UCK2: variants seen among roughly 807,000 people sequenced by gnomAD.
The protein encoded by UCK2 is uridine-cytidine kinase 2, also known as cytidine monophosphokinase 2.
In UCK2, 6 loss-of-function variants were observed where a neutral mutation model predicts 30.8. The ratio of observed to expected loss-of-function variants is 0.19; its 90% CI spans 0.11 to 0.38. The LOEUF is 0.38. Ranked by LOEUF, UCK2 falls within the 10% of genes least tolerant of loss-of-function variation. The pLI is 1.00. For synonymous variants in UCK2, 125 were observed against 133.6 expected, an observed-to-expected ratio of 0.94 and a Z score of 0.45; for missense variants, 210 against 339.8, an observed-to-expected ratio of 0.62 and a Z score of 3.00.
At chr1:165,830,041 T>A (rs1420624584) in intron 1 of UCK2, among the ~76,000 whole-genome samples, 1 of 152,028 alleles carries the variant, frequency 6.6e-6, no homozygotes, top group Non-Finnish European at 1.5e-5. Context: ...GGTCTCACTC[T>A]TTTGCCCAGG....
intron 1 of UCK2, among the ~76,000 whole-genome samples, chr1:165,837,841 C>T (rs1654233744): frequency 1.3e-5 from 2 of 152,180 alleles, no homozygotes; most frequent in South Asian, 4.1e-4. Flanking sequence ...AACTCCTCAT[C>T]TCACCCCTTG....
intron 1 of UCK2, among the ~76,000 whole-genome samples, chr1:165,866,079 A>G (rs933234991): frequency 1.3e-4 from 20 of 151,984 alleles, no homozygotes; most frequent in African/African-American, 4.3e-4. Flanking sequence ...AGGTACTTTC[A>G]GGGAGCAGTA....
intron 1 of UCK2, among the ~76,000 whole-genome samples, chr1:165,837,190 A>G (rs1242595664): frequency 6.6e-6 from 1 of 152,206 alleles, no homozygotes; most frequent in African/African-American, 2.4e-5. Context: ...TTTGGAGGAC[A>G]CTTTCAAACC....
At position 165,890,263 on chromosome 1, in the gene UCK2, G is replaced by C; in HGVS notation, c.159G>C (p.Gln53His). Residue 53 changes from glutamine (Q) to histidine (H), a missense_variant, in exon 2 of 7, where the codon CAG (glutamine) becomes CAC (histidine). This residue lies in a region of UCK2 where 75 missense variants were observed against 124.7 expected (regional missense o/e 0.60). Coordinates refer to ENST00000367879, the MANE Select transcript of UCK2 (RefSeq NM_012474.5). ...LLGQNEVDYR[Q>H]KQVVILSQDS... ...GGCAGAATGAGGTGGACTATCGCCA[G>C]AAGCAGGTGGTCATCCTGAGCCAGG... 6.2e-7 allele frequency: 1 copy of C among 1,614,198 alleles called. No homozygotes were observed. Among genetic ancestry groups the C allele is most frequent in the Non-Finnish European group, 8.5e-7 (1 of 1,180,038 alleles).
chr1:165,903,144 A>G (rs367693447), intron 4 of UCK2, 38 bp from the exon 5 acceptor site: 4 of 1,577,152 alleles, frequency 2.5e-6, no homozygotes, highest in Non-Finnish European at 3.5e-6. Flanking sequence ...GCTGGCTCCT[A>G]CACCGTTTTT....
At chr1:165,880,560 TTTGGGG>T (rs112014406) in intron 1 of UCK2, among the ~76,000 whole-genome samples, 904 of 80,040 alleles carry the variant, frequency 0.011, 18 homozygotes, top group Admixed American at 0.066. Context: ...TTCAGTTTTT[TTTGGGG>T]GTGTGTGTGT....
chr1:165,832,567 C>G (rs1279959059), intron 1 of UCK2, among the ~76,000 whole-genome samples: 1 of 152,076 alleles, frequency 6.6e-6, no homozygotes, highest in East Asian at 1.9e-4. Flanking sequence ...GTTAGGGGAA[C>G]TTTTGACTTA....
intron 1 of UCK2, among the ~76,000 whole-genome samples, chr1:165,831,861 G>A (rs1329983904): frequency 6.6e-6 from 1 of 152,186 alleles, no homozygotes; most frequent in Non-Finnish European, 1.5e-5. Flanking sequence ...CACCTCCTGG[G>A]TTCAAGCAAT....
At chr1:165,833,641 A>T (rs1239919204) in intron 1 of UCK2, among the ~76,000 whole-genome samples, 1 of 152,064 alleles carries the variant, frequency 6.6e-6, no homozygotes, top group African/African-American at 2.4e-5. Flanking sequence ...TCTTGCTTTT[A>T]TGAGGTTCTG....
At chr1:165,862,055 T>C (rs1174375103) in intron 1 of UCK2, among the ~76,000 whole-genome samples, 1 of 152,198 alleles carries the variant, frequency 6.6e-6, no homozygotes, top group African/African-American at 2.4e-5. Flanking sequence ...ATGGAAGCCA[T>C]AAGTCCTCTC....
intron 1 of UCK2, among the ~76,000 whole-genome samples, chr1:165,848,652 A>ACG (rs1339552872): frequency 2.0e-5 from 3 of 151,182 alleles, no homozygotes; most frequent in Admixed American, 1.3e-4. Flanking sequence ...ACACACACAC[A>ACG]CACACACCCA....
intron 1 of UCK2, among the ~76,000 whole-genome samples, chr1:165,840,085 CTTG>C (rs1654290195): frequency 6.6e-6 from 1 of 152,076 alleles, no homozygotes; most frequent in African/African-American, 2.4e-5. Flanking sequence ...TGCCCGGCTA[CTTG>C]TTGTATTTTT....
chr1:165,907,054 T>A (rs1647688514), intron 6 of UCK2, among the ~76,000 whole-genome samples: 1 of 152,216 alleles, frequency 6.6e-6, no homozygotes, highest in Non-Finnish European at 1.5e-5. Context: ...TCTTTTATTT[T>A]CTTATGATTG....
Position 165,891,105 on chromosome 1 carries a change from A to G in UCK2, c.260-121A>G, listed in dbSNP as rs1655754190. On this transcript the variant is annotated intron_variant, in intron 2 of 6. Coordinates refer to ENST00000367879, the MANE Select transcript of UCK2 (RefSeq NM_012474.5). ...GTAAAAATCCAGCTTTTTAGGGAGC[A>G]GTATGATTACCTTTAAAGTGTGATG... is the stretch of plus-strand genomic sequence containing the variant. 1.3e-5 allele frequency: 11 copies of G among 838,876 alleles called. No homozygotes were observed. In the South Asian group the frequency reaches 1.7e-4, roughly 13 times the overall value. 52.0% of individuals were successfully genotyped at this position (838,876 alleles called of 1,614,324 possible).
intron 1 of UCK2, among the ~76,000 whole-genome samples, chr1:165,835,128 G>T (rs2101848580): frequency 6.6e-6 from 1 of 152,162 alleles, no homozygotes; most frequent in South Asian, 2.1e-4. Context: ...GCTTTTCCCT[G>T]GGAGTGGAGA....
At position 165,909,212 on chromosome 1, in the gene UCK2, G is replaced by A. The variant is rs912118845; in HGVS notation, c.*1389G>A. The A allele has an allele frequency of 6.6e-6, 1 of 152,084 alleles. No individual in the cohort carries two copies. The highest frequency in any genetic ancestry group is 1.5e-5 in the Non-Finnish European group (1 of 68,040). 9.4% of individuals were successfully genotyped at this position (152,084 alleles called of 1,614,324 possible). On this transcript the variant is annotated 3_prime_UTR_variant, in exon 7 of 7. Transcript: ENST00000367879. ...GGAAGTACAGATTCCTGACATTCTG[G>A]GTGGAGGGGAGCCCAAGTGAGCCTG...
At chr1:165,841,095 G>A (rs78354306) in intron 1 of UCK2, among the ~76,000 whole-genome samples, 5 of 78,860 alleles carry the variant, frequency 6.3e-5, no homozygotes, top group Admixed American at 1.9e-4. Flanking sequence ...GTGTGCACAC[G>A]TATGTGTGTG....
chr1:165,845,468 T>C (rs75019377), intron 1 of UCK2, among the ~76,000 whole-genome samples: 1 of 152,216 alleles, frequency 6.6e-6, no homozygotes, highest in Non-Finnish European at 1.5e-5. Context: ...ACAGACTTTT[T>C]TTCTTCGCAA....
At chr1:165,853,453 T>C (rs1346463700) in intron 1 of UCK2, among the ~76,000 whole-genome samples, 1 of 152,180 alleles carries the variant, frequency 6.6e-6, no homozygotes, top group Non-Finnish European at 1.5e-5. Flanking sequence ...TATTAATGTC[T>C]TTCTGCTAAA....
Sources: allele counts gnomAD v4.1 joint callset (sites outside exome capture counted in the v4.1 genomes callset), GRCh38; gene constraint gnomAD v4.1.1; regional missense constraint gnomAD v4.1.1; transcripts MANE v1.5; gene names NCBI Gene and HGNC (gene_info 2026-07-23, HGNC 2026-07-21).